NRXN3: variants seen among roughly 807,000 people sequenced by gnomAD.
NRXN3 encodes the protein neurexin 3, also known as neurexin III.
Under a neutral mutation model 137.6 loss-of-function variants are expected in NRXN3, and 32 were observed. The observed-to-expected ratio is 0.23, with a 90% CI of 0.18 to 0.31. NRXN3 has a LOEUF of 0.31. Ranked by LOEUF, NRXN3 falls within the 10% of genes least tolerant of loss-of-function variation. The pLI is 1.00. For synonymous variants in NRXN3, 798 were observed against 784.5 expected (o/e 1.02, Z -0.29); for missense variants, 1,574 against 2,062.5 (o/e 0.76, Z 4.59).
rs1168738890 is a variant in NRXN3 at position 78,882,940 on chromosome 14, GAGT to G, written c.2275+72597_2275+72599del. On this transcript the variant is annotated intron_variant, in intron 10 of 20. Transcript: ENST00000335750. ...CCAGTGGGAGGTACTTGAATCATGG[GAGT>G]GGTTACCCTCATGCTGTTCTCATGA... is the stretch of plus-strand genomic sequence containing the variant. 2.1e-3 allele frequency among the ~76,000 whole-genome samples: 319 copies of G among 151,646 alleles called. 5 individuals are homozygous for G. The highest frequency in any genetic ancestry group is 7.3e-3 in the African/African-American group (297 of 40,948).
At chr14:78,825,212 A>AG (rs1190177017) in intron 10 of NRXN3, among the ~76,000 whole-genome samples, 22 of 150,800 alleles carry the variant, frequency 1.5e-4, no homozygotes, top group Non-Finnish European at 2.8e-4. Flanking sequence ...AAAAAAAAAA[A>AG]AAAAAGAAAA....
chr14:78,271,400 A>G (rs926099), intron 2 of NRXN3, among the ~76,000 whole-genome samples: 123,319 of 151,860 alleles, frequency 0.81, 50,548 homozygotes, highest in African/African-American at 0.92. Context: ...AATATTTTAA[A>G]TGACAAGTGG....
At chr14:79,128,868 C>A (rs2056994546) in intron 15 of NRXN3, among the ~76,000 whole-genome samples, 1 of 151,768 alleles carries the variant, frequency 6.6e-6, no homozygotes, top group African/African-American at 2.4e-5. Flanking sequence ...TGTTATTGGT[C>A]TATTCAGAGA....
chr14:79,552,730 A>G (rs1188404706), intron 16 of NRXN3, among the ~76,000 whole-genome samples: 2 of 152,108 alleles, frequency 1.3e-5, no homozygotes, highest in East Asian at 1.9e-4. Context: ...CCTCTGCACT[A>G]TGGGGCAGGT....
chr14:79,768,972 G>C (rs1202305079), intron 19 of NRXN3, among the ~76,000 whole-genome samples: 3 of 151,642 alleles, frequency 2.0e-5, no homozygotes, highest in Non-Finnish European at 4.4e-5. Context: ...ACTACGTGAA[G>C]AACGCAGAAG....
intron 15 of NRXN3, among the ~76,000 whole-genome samples, chr14:79,231,297 T>C (rs1262293360): frequency 6.6e-6 from 1 of 152,160 alleles, no homozygotes; most frequent in Admixed American, 6.5e-5. Context: ...TTTATTCCCT[T>C]AATATGATTA....
intron 16 of NRXN3, among the ~76,000 whole-genome samples, chr14:79,589,550 TAA>T (rs58740411): frequency 2.1e-4 from 18 of 87,026 alleles, no homozygotes; most frequent in African/African-American, 7.2e-4. Context: ...GTAGAATACC[TAA>T]AAAAAAAAAA....
At chr14:78,305,553 A>G (rs2153536482) in intron 4 of NRXN3, among the ~76,000 whole-genome samples, 1 of 152,318 alleles carries the variant, frequency 6.6e-6, no homozygotes, top group African/African-American at 2.4e-5. Flanking sequence ...TTTCATGTAG[A>G]TTGCATTTTA....
At chr14:78,305,769 T>G (rs2077310070) in intron 4 of NRXN3, among the ~76,000 whole-genome samples, 1 of 152,228 alleles carries the variant, frequency 6.6e-6, no homozygotes, top group Non-Finnish European at 1.5e-5. Context: ...CAGTATTACA[T>G]TTCCATCTCT....
At chr14:79,118,801 A>C (rs1308757034) in intron 15 of NRXN3, among the ~76,000 whole-genome samples, 5 of 152,232 alleles carry the variant, frequency 3.3e-5, no homozygotes, top group African/African-American at 1.2e-4. Flanking sequence ...ATGTACCCAA[A>C]GTCCTATATC....
At chr14:79,623,168 A>T (rs963531525) in intron 16 of NRXN3, among the ~76,000 whole-genome samples, 2 of 152,162 alleles carry the variant, frequency 1.3e-5, no homozygotes, top group African/African-American at 4.8e-5. Context: ...CCCTAAGGAA[A>T]TGCCATCAAC....
At chr14:78,330,882 G>T (rs2080735464) in intron 4 of NRXN3, among the ~76,000 whole-genome samples, 1 of 152,054 alleles carries the variant, frequency 6.6e-6, no homozygotes, top group Non-Finnish European at 1.5e-5. Flanking sequence ...AAATTTACTA[G>T]CAGTTTTTCA....
At chr14:79,820,950 G>GC (rs1178736713) in intron 20 of NRXN3, among the ~76,000 whole-genome samples, 1 of 152,038 alleles carries the variant, frequency 6.6e-6, no homozygotes, top group African/African-American at 2.4e-5. Flanking sequence ...CATTAGCAGG[G>GC]CCCCCTGGTG....
At chr14:78,810,230 C>A in intron 9 of NRXN3, 88 bp from the exon 10 acceptor site, 1 of 786,398 alleles carries the variant, frequency 1.3e-6, no homozygotes, top group South Asian at 1.6e-5. Flanking sequence ...TGTCTGTCCC[C>A]GGAAGGGTGG....
At chr14:78,782,103 C>T (rs1312348013) in intron 8 of NRXN3, among the ~76,000 whole-genome samples, 1 of 152,212 alleles carries the variant, frequency 6.6e-6, no homozygotes, top group African/African-American at 2.4e-5. Context: ...GTCTGCCAAG[C>T]TCCAGCACAT....
chr14:79,365,422 A>G (rs2093842206), intron 15 of NRXN3, among the ~76,000 whole-genome samples: 1 of 152,198 alleles, frequency 6.6e-6, no homozygotes, highest in African/African-American at 2.4e-5. Flanking sequence ...CCATCTCACC[A>G]CAGAAGAGTT....
At chr14:79,386,710 G>C (rs1445587936) in intron 15 of NRXN3, among the ~76,000 whole-genome samples, 1 of 151,984 alleles carries the variant, frequency 6.6e-6, no homozygotes, top group African/African-American at 2.4e-5. Flanking sequence ...TATACTACAA[G>C]GCTACAGTAA....
chr14:79,432,690 T>C (rs867062721), intron 15 of NRXN3, among the ~76,000 whole-genome samples: 55 of 152,298 alleles, frequency 3.6e-4, no homozygotes, highest in African/African-American at 1.2e-3. Flanking sequence ...AAGGTTTTAG[T>C]GATAATACTG....
intron 1 of NRXN3, among the ~76,000 whole-genome samples, chr14:78,180,977 G>A (rs893442037): frequency 2.0e-5 from 3 of 152,160 alleles, no homozygotes; most frequent in African/African-American, 7.2e-5. Context: ...ACTCTTTAGG[G>A]ACAAGAGCCT....
Sources: allele counts gnomAD v4.1 joint callset (sites outside exome capture counted in the v4.1 genomes callset), GRCh38; gene constraint gnomAD v4.1.1; transcripts MANE v1.5; gene names NCBI Gene and HGNC (gene_info 2026-07-23, HGNC 2026-07-21).